The following CLASP1 variants were observed in gnomAD, a reference collection of about 807,000 sequenced individuals.
CLASP1 encodes cytoplasmic linker associated protein 1.
CLASP1 carries 38 observed loss-of-function variants against 192.3 expected under a neutral mutation model. The ratio of observed to expected loss-of-function variants is 0.20; its 90% CI spans 0.15 to 0.26. The LOEUF is 0.26. Ranked by LOEUF, CLASP1 falls within the 10% of genes least tolerant of loss-of-function variation. CLASP1 has a pLI of 1.00. For synonymous variants in CLASP1, 691 were observed against 712.8 expected (o/e 0.97, Z 0.49); for missense variants, 1,433 against 1,932.5 (o/e 0.74, Z 4.85).
chr2:121,493,862 A>G (rs566973872), intron 8 of CLASP1, among the ~76,000 whole-genome samples: 1 of 152,354 alleles, frequency 6.6e-6, no homozygotes, highest in African/African-American at 2.4e-5. Context: ...AACATCATTG[A>G]TTATCAGAGA....
intron 1 of CLASP1, among the ~76,000 whole-genome samples, chr2:121,611,998 G>A (rs1199413975): frequency 6.6e-6 from 1 of 151,210 alleles, no homozygotes; most frequent in Non-Finnish European, 1.5e-5. Context: ...GGAACTGGAG[G>A]AGGAGGAGAA....
chr2:121,370,696 C>G (rs1225443422), intron 34 of CLASP1, among the ~76,000 whole-genome samples: 2 of 152,172 alleles, frequency 1.3e-5, no homozygotes, highest in African/African-American at 4.8e-5. Flanking sequence ...ACAGCCACTG[C>G]TCTGACATGC....
In CLASP1 at chr2:121,490,760, T is replaced by C. The variant is rs1304817327; in HGVS notation, c.712+12407A>G. On this transcript the variant is annotated intron_variant, in intron 8 of 39. Coordinates refer to ENST00000263710, the Ensembl canonical transcript of CLASP1. ...GCTTCTTAGCACAGCTCAACACATA[T>C]GCCAGCCTTGTAACAAACACATTAT... is the stretch of plus-strand genomic sequence containing the variant. 2.0e-5 allele frequency among the ~76,000 whole-genome samples: 3 copies of C among 152,218 alleles called. 1 individual carries two copies. Among genetic ancestry groups the C allele is most frequent in the East Asian group, 1.9e-4 (1 of 5,204 alleles).
At chr2:121,466,605 T>C (rs548872608) in intron 9 of CLASP1, among the ~76,000 whole-genome samples, 61 of 152,292 alleles carry the variant, frequency 4.0e-4, no homozygotes, top group African/African-American at 1.4e-3. Context: ...ACAATTTTTC[T>C]GAGATAAATT....
chr2:121,478,708 A>C (rs1453372289), intron 8 of CLASP1, among the ~76,000 whole-genome samples: 3 of 49,332 alleles, frequency 6.1e-5, no homozygotes, highest in African/African-American at 1.5e-4. Flanking sequence ...ACCACACCCC[A>C]CACACACAAC....
chr2:121,534,267 C>G (rs1341974838), intron 2 of CLASP1, among the ~76,000 whole-genome samples: 1 of 152,160 alleles, frequency 6.6e-6, no homozygotes, highest in Non-Finnish European at 1.5e-5. Context: ...AGTTAACCCC[C>G]TACCACATGT....
At chr2:121,473,986 G>A (rs752877325) in intron 8 of CLASP1, among the ~76,000 whole-genome samples, 3 of 152,110 alleles carry the variant, frequency 2.0e-5, no homozygotes, top group Non-Finnish European at 4.4e-5. Flanking sequence ...TTGGAAACTT[G>A]GATTTAGATA....
At chr2:121,546,536 C>G (rs546083880) in intron 2 of CLASP1, among the ~76,000 whole-genome samples, 1 of 152,092 alleles carries the variant, frequency 6.6e-6, no homozygotes, top group East Asian at 1.9e-4. Context: ...GAACCTCCCC[C>G]ATTCAGGGAA....
chr2:121,430,547 A>G (rs2081216144), intron 19 of CLASP1, among the ~76,000 whole-genome samples: 1 of 152,226 alleles, frequency 6.6e-6, no homozygotes, highest in Admixed American at 6.5e-5. Flanking sequence ...TTGTCTACAA[A>G]TCTGACAAAT....
At chr2:121,480,718 G>A (rs1029171673) in intron 8 of CLASP1, among the ~76,000 whole-genome samples, 9 of 152,160 alleles carry the variant, frequency 5.9e-5, no homozygotes, top group Non-Finnish European at 1.2e-4. Flanking sequence ...ACAGCCCAGG[G>A]TAACCACCCT....
At chr2:121,612,391 T>G in intron 1 of CLASP1, among the ~76,000 whole-genome samples, 4 of 137,958 alleles carry the variant, frequency 2.9e-5, no homozygotes, top group East Asian at 2.2e-4. Flanking sequence ...GAAGGAGAAA[T>G]TGGAGGAGTT....
intron 1 of CLASP1, 83 bp downstream of exon 1, chr2:121,649,289 C>T (rs2073774485): frequency 2.6e-5 from 4 of 152,296 alleles, no homozygotes; most frequent in Admixed American, 2.6e-4. Flanking sequence ...CCCACCCAGA[C>T]CCGGCGCCCG....
chr2:121,507,954 A>G (rs1559470349), intron 7 of CLASP1, among the ~76,000 whole-genome samples: 1 of 152,176 alleles, frequency 6.6e-6, no homozygotes. Context: ...CCAAAAACAA[A>G]AGAGAACTTA....
At chr2:121,645,804 G>C (rs1016726568) in intron 1 of CLASP1, among the ~76,000 whole-genome samples, 1 of 152,184 alleles carries the variant, frequency 6.6e-6, no homozygotes, top group African/African-American at 2.4e-5. Context: ...TCTATGAGGG[G>C]AGGTGGGATG....
intron 22 of CLASP1, among the ~76,000 whole-genome samples, chr2:121,424,648 G>C (rs1219738234): frequency 6.6e-6 from 1 of 152,122 alleles, no homozygotes; most frequent in Non-Finnish European, 1.5e-5. Flanking sequence ...TCAATTCCTA[G>C]CTTTCATGCT....
chr2:121,630,333 A>G (rs1191113239), intron 1 of CLASP1, among the ~76,000 whole-genome samples: 1 of 151,948 alleles, frequency 6.6e-6, no homozygotes, highest in African/African-American at 2.4e-5. Flanking sequence ...CCATTACTAC[A>G]AGTATTGAAA....
chr2:121,645,820 T>G (rs953956624), intron 1 of CLASP1, among the ~76,000 whole-genome samples: 1 of 152,166 alleles, frequency 6.6e-6, no homozygotes, highest in Non-Finnish European at 1.5e-5. Flanking sequence ...GGATGAGGAC[T>G]GTCATAAGAA....
chr2:121,465,718 T>C (rs954271946), intron 9 of CLASP1, among the ~76,000 whole-genome samples: 19 of 152,132 alleles, frequency 1.2e-4, no homozygotes, highest in African/African-American at 4.6e-4. Flanking sequence ...GCCAAGTCAA[T>C]CCTAAGCCAA....
intron 7 of CLASP1, among the ~76,000 whole-genome samples, chr2:121,514,336 C>T (rs1440025255): frequency 6.6e-6 from 1 of 152,174 alleles, no homozygotes; most frequent in African/African-American, 2.4e-5. Context: ...ATCACGGTGA[C>T]TTCGTCATTA....
Sources: gnomAD v4.1 joint callset for allele counts (sites outside exome capture counted in the v4.1 genomes callset) on GRCh38, gnomAD v4.1.1 for gene constraint, MANE v1.5 for transcripts, NCBI Gene and HGNC (gene_info 2026-07-23, HGNC 2026-07-21) for gene names.